NWD2: variants seen among roughly 807,000 people sequenced by gnomAD.
The protein encoded by NWD2 is NACHT and WD repeat domain-containing protein 2.
Under a neutral mutation model 132.7 loss-of-function variants are expected in NWD2, and 37 were observed. The ratio of observed to expected loss-of-function variants is 0.28; its 90% CI spans 0.21 to 0.37. NWD2 has a LOEUF of 0.37. NWD2 is among the 10% of genes least tolerant of loss of function. The pLI is 1.00. For missense variants in NWD2, 1,592 were observed against 2,122.4 expected (o/e 0.75, Z 4.91); for synonymous variants, 705 against 803.0 (o/e 0.88, Z 2.06).
At chr4:37,280,581 A>C (rs1294545059) in intron 1 of NWD2, among the ~76,000 whole-genome samples, 1 of 152,142 alleles carries the variant, frequency 6.6e-6, no homozygotes, top group Non-Finnish European at 1.5e-5. Context: ...ACATTGATTG[A>C]AACAACATTA....
At chr4:37,265,470 G>T (rs1222856238) in intron 1 of NWD2, among the ~76,000 whole-genome samples, 2 of 152,122 alleles carry the variant, frequency 1.3e-5, no homozygotes, top group Non-Finnish European at 2.9e-5. Context: ...TCCGAATTCA[G>T]TTTCACTGGT....
In NWD2 at chr4:37,444,034, C is replaced by G. The variant is rs1248448351; in HGVS notation, c.2046C>G (p.Ala682=). 6.4e-7 allele frequency: 1 copy of G among 1,551,810 alleles called. No homozygotes were observed. The highest frequency in any genetic ancestry group is 2.0e-5 in the Admixed American group (1 of 50,964). The change falls in exon 7 of 7, where the codon GCC becomes GCG. Residue 682 remains alanine (A), a synonymous_variant. Coordinates refer to ENST00000309447, the MANE Select transcript of NWD2 (RefSeq NM_001144990.2). The surrounding 1 kb of genome is among the most constrained non-coding windows in gnomAD (Gnocchi z 4.8). ...AAATGGAACTGGAGGATGTGTTAGC[C>G]CTAGACAACAGTGTAATGAGTGAGC... ...LSEMELEDVL[A]LDNSVMSELK...
At chr4:37,295,976 T>G (rs1383766722) in intron 1 of NWD2, among the ~76,000 whole-genome samples, 1 of 152,228 alleles carries the variant, frequency 6.6e-6, no homozygotes, top group Non-Finnish European at 1.5e-5. Flanking sequence ...CCTTCAGGGT[T>G]GTTCACAGAC....
rs925344019 is a variant in NWD2 at position 37,402,542 on chromosome 4, G to A, written c.358-28030G>A. ...TGTGGATTCATTTTCATCAGACATTGTCTTCTGTAATATTATTTAAATGCA... is the reference window on the plus strand; with the variant it reads ...TGTGGATTCATTTTCATCAGACATTATCTTCTGTAATATTATTTAAATGCA... On this transcript the variant is annotated intron_variant, in intron 3 of 6. Transcript: ENST00000309447. 4.1e-4 allele frequency among the ~76,000 whole-genome samples: 62 copies of A among 152,252 alleles called. 1 individual carries two copies. Among genetic ancestry groups the A allele is most frequent in the African/African-American group, 1.4e-3 (59 of 41,542 alleles).
intron 2 of NWD2, among the ~76,000 whole-genome samples, chr4:37,329,989 A>G (rs1200474703): frequency 6.6e-6 from 1 of 152,246 alleles, no homozygotes; most frequent in Non-Finnish European, 1.5e-5. Context: ...AAATAGCTGC[A>G]CATAGTAATC....
Position 37,318,150 on chromosome 4 carries a change from A to G in NWD2, c.152-7786A>G, listed in dbSNP as rs1283364603. 2.0e-5 allele frequency among the ~76,000 whole-genome samples: 3 copies of G among 150,604 alleles called. No homozygotes were observed. The Admixed American group carries it at 2.0e-4, about 10-fold the overall frequency. On this transcript the variant is annotated intron_variant, in intron 1 of 6. Transcript: ENST00000309447. ...AAGTGATTCTCCCGCCTCAGCCTCC[A>G]AATAGCTGGGATTACAGGCACCTGT...
intron 1 of NWD2, among the ~76,000 whole-genome samples, chr4:37,248,850 T>C (rs1159513370): frequency 1.3e-5 from 2 of 152,234 alleles, no homozygotes; most frequent in Non-Finnish European, 2.9e-5. Context: ...CAATCCATTA[T>C]CTGTGATCAT....
intron 1 of NWD2, among the ~76,000 whole-genome samples, chr4:37,265,233 A>G (rs562652207): frequency 6.6e-6 from 1 of 152,304 alleles, no homozygotes; most frequent in African/African-American, 2.4e-5. Context: ...TATTTACTGC[A>G]GTAAATTAGA....
intron 1 of NWD2, among the ~76,000 whole-genome samples, chr4:37,293,692 T>C (rs1406197743): frequency 1.3e-5 from 2 of 152,190 alleles, no homozygotes; most frequent in African/African-American, 2.4e-5. Flanking sequence ...ATTTAGAGGA[T>C]TGTGTTGACA....
At position 37,443,089 on chromosome 4, in the gene NWD2, C is replaced by A. The variant is rs1712528599; in HGVS notation, c.1297-196C>A. 6.6e-6 allele frequency among the ~76,000 whole-genome samples: 1 copy of A among 152,128 alleles called. No homozygotes were observed. Among genetic ancestry groups the A allele is most frequent in the South Asian group, 2.1e-4 (1 of 4,826 alleles). On this transcript the variant is annotated intron_variant, in intron 6 of 6. Coordinates refer to ENST00000309447, the MANE Select transcript of NWD2 (RefSeq NM_001144990.2). The surrounding 1 kb of genome is among the most constrained non-coding windows in gnomAD (Gnocchi z 4.1). ...ACTCAGTAGGGGTAATCCTGAGGGT[C>A]TCACCTGTAGATTTTGGTACACAAG...
At chr4:37,339,030 A>G (rs1719467433) in intron 2 of NWD2, among the ~76,000 whole-genome samples, 1 of 152,200 alleles carries the variant, frequency 6.6e-6, no homozygotes. Context: ...TGAAATAGTG[A>G]AATGCATGTC....
chr4:37,365,200 C>A (rs1720072468), intron 3 of NWD2, among the ~76,000 whole-genome samples: 1 of 152,108 alleles, frequency 6.6e-6, no homozygotes, highest in Non-Finnish European at 1.5e-5. Context: ...TTTTTAAAAT[C>A]ACTTAGCTTT....
At chr4:37,416,286 T>A (rs1240884042) in intron 3 of NWD2, among the ~76,000 whole-genome samples, 2 of 152,148 alleles carry the variant, frequency 1.3e-5, no homozygotes, top group Non-Finnish European at 2.9e-5. Context: ...GAGAAATCGG[T>A]CTGAGCATGG....
chr4:37,305,461 TTTCCCTTTTAAATATAACTTCC>T (rs1718693647), intron 1 of NWD2, among the ~76,000 whole-genome samples: 1 of 152,228 alleles, frequency 6.6e-6, no homozygotes, highest in Non-Finnish European at 1.5e-5. Flanking sequence ...TTATTCTCTG[TTTCCCTTTTAAATATAACTTCC>T]AGTTTCAGAA....
chr4:37,410,801 G>T lies in NWD2; in HGVS notation c.358-19771G>T, dbSNP rs141133279. On this transcript the variant is annotated intron_variant, in intron 3 of 6. Coordinates refer to ENST00000309447, the MANE Select transcript of NWD2 (RefSeq NM_001144990.2). Reference sequence around the variant, plus strand: ...AGAAATCATAACAAACTGTCTCTCAGACCACAGTGTAATCAAATTAGAACT... The same window carrying T: ...AGAAATCATAACAAACTGTCTCTCATACCACAGTGTAATCAAATTAGAACT... Among the ~76,000 whole-genome samples the T allele has an allele frequency of 2.7e-3, 413 of 152,272 alleles. 2 individuals are homozygous for T. The highest frequency in any genetic ancestry group is 9.5e-3 in the African/African-American group (393 of 41,552).
At chr4:37,433,312 T>A (rs1712229577) in intron 4 of NWD2, among the ~76,000 whole-genome samples, 1 of 152,238 alleles carries the variant, frequency 6.6e-6, no homozygotes, top group Admixed American at 6.5e-5. Flanking sequence ...AATTGTTTCT[T>A]CATTTATCTT....
At chr4:37,300,624 A>C (rs1009277434) in intron 1 of NWD2, among the ~76,000 whole-genome samples, 1 of 152,140 alleles carries the variant, frequency 6.6e-6, no homozygotes, top group Non-Finnish European at 1.5e-5. Flanking sequence ...TTTCAGAAAG[A>C]GAAACATCTT....
At chr4:37,349,010 A>G (rs1719707660) in intron 2 of NWD2, among the ~76,000 whole-genome samples, 1 of 151,890 alleles carries the variant, frequency 6.6e-6, no homozygotes, top group African/African-American at 2.4e-5. Context: ...GAGGACATGA[A>G]CTCATCCTTT....
chr4:37,405,421 TAATAG>T (rs36213513), intron 3 of NWD2, among the ~76,000 whole-genome samples: 26,338 of 140,858 alleles, frequency 0.19, 2,578 homozygotes, highest in African/African-American at 0.2. Flanking sequence ...TAGTTGAATG[TAATAG>T]AATAGAATAG....
Sources: allele counts gnomAD v4.1 joint callset (sites outside exome capture counted in the v4.1 genomes callset), GRCh38; gene constraint gnomAD v4.1.1; non-coding constraint Gnocchi (gnomAD v3.1); transcripts MANE v1.5; gene names NCBI Gene and HGNC (gene_info 2026-07-23, HGNC 2026-07-21).